ZNF267: variants seen among roughly 807,000 people sequenced by gnomAD.
ZNF267 encodes the protein zinc finger protein 267.
A neutral mutation model predicts 71.6 loss-of-function variants in ZNF267; 61 were observed. The ratio of observed to expected loss-of-function variants is 0.85; its 90% confidence interval spans 0.69 to 1.05. ZNF267 has a LOEUF of 1.05. Among genes scored for constraint, ZNF267 ranks in the 50% least tolerant of loss-of-function variants. ZNF267 has a pLI of 0.00. For synonymous variants in ZNF267, 288 were observed against 293.2 expected, an observed-to-expected ratio of 0.98 and a Z score of 0.18; for missense variants, 852 against 870.0, an observed-to-expected ratio of 0.98 and a Z score of 0.26.
At position 31,916,110 on chromosome 16, in the gene ZNF267, C is replaced by T; in HGVS notation, c.1861C>T (p.Gln621Ter). Residue 621 changes from glutamine to a stop codon, truncating the protein, a stop_gained, in exon 4 of 4, where the codon CAG (glutamine) becomes TAG (stop). Transcript: ENST00000300870. LOFTEE classifies it high-confidence loss of function. ...CTTTAGTTATAGTTCAGATGTTATT[C>T]AGCATCGGAGAATTCATACTGGCCA... Reference protein sequence around the residue: ...KAFSYSSDVIQHRRIHTGQRP... With the variant: ...KAFSYSSDVI 1 of 1,613,872 alleles carries T rather than the reference C, an allele frequency of 6.2e-7. No individual in the cohort carries two copies.
chr16:31,899,992 A>G (rs1215820991), intron 3 of ZNF267, among the ~76,000 whole-genome samples: 1 of 151,642 alleles, frequency 6.6e-6, no homozygotes. Context: ...TCATCCATAT[A>G]TATATACACA....
At chr16:31,893,135 C>T (rs1041165596) in intron 3 of ZNF267, among the ~76,000 whole-genome samples, 7 of 152,232 alleles carry the variant, frequency 4.6e-5, no homozygotes, top group South Asian at 2.1e-4. Flanking sequence ...CCCCAATCCT[C>T]GACTTCTGTA....
chr16:31,896,528 A>G (rs2084000510), intron 3 of ZNF267, among the ~76,000 whole-genome samples: 1 of 152,136 alleles, frequency 6.6e-6, no homozygotes, highest in African/African-American at 2.4e-5. Flanking sequence ...TGCATCATTT[A>G]TTGAGGAAAC....
intron 1 of ZNF267, among the ~76,000 whole-genome samples, chr16:31,878,164 T>G (rs1012763369): frequency 6.6e-5 from 10 of 152,042 alleles, no homozygotes; most frequent in Non-Finnish European, 1.2e-4. Context: ...CTCTACACAT[T>G]TGATGTCAGA....
chr16:31,874,232 C>T (rs903545969), intron 1 of ZNF267: 4 of 447,846 alleles, frequency 8.9e-6, no homozygotes, highest in South Asian at 3.4e-5. Context: ...GGCAGCTCCG[C>T]GTCGCAGCCC....
intron 3 of ZNF267, chr16:31,913,373 C>T (rs991308041): frequency 6.6e-6 from 1 of 152,222 alleles, no homozygotes; most frequent in African/African-American, 2.4e-5. Context: ...TCCCTGTTGC[C>T]CCCACCACTG....
chr16:31,910,139 TG>T (rs2084124966), intron 3 of ZNF267, among the ~76,000 whole-genome samples: 1 of 152,220 alleles, frequency 6.6e-6, no homozygotes, highest in African/African-American at 2.4e-5. Context: ...TCTTTTAATG[TG>T]TTGTTGAATT....
intron 3 of ZNF267, among the ~76,000 whole-genome samples, chr16:31,892,073 C>G (rs576192530): frequency 6.6e-6 from 1 of 152,180 alleles, no homozygotes; most frequent in East Asian, 1.9e-4. Flanking sequence ...AGTCTGTCCT[C>G]ACACTGCTGA....
In ZNF267 at chr16:31,907,497, A is replaced by C. The variant is rs563481718; in HGVS notation, c.227-6979A>C. 2.0e-5 allele frequency among the ~76,000 whole-genome samples: 3 copies of C among 151,832 alleles called. No homozygotes were observed. The East Asian group carries it at 5.8e-4, about 29-fold the overall frequency. On this transcript the variant is annotated intron_variant, in intron 3 of 3. Transcript: ENST00000300870. The stretch of plus-strand genomic sequence containing the variant: ...TAGTGAATCTTTAAATTTAGTTTTT[A>C]TTTTTACCTCCACACTTTGTGTTTT...
rs377521300 is a variant in ZNF267, at chr16:31,915,085, C to T, written c.836C>T (p.Ser279Leu). Residue 279 changes from serine to leucine, a missense_variant, in exon 4 of 4, where the codon TCA becomes TTA. Ser to Leu is a moderately radical substitution (Grantham distance 145). Coordinates refer to ENST00000300870, the MANE Select transcript of ZNF267 (RefSeq NM_003414.6). ...CNKCVEVCTQ[S>L]LKHIQHQTIH... Reference sequence around the variant, plus strand: ...AAATGTGTAGAAGTTTGTACCCAGTCATTAAAACATATTCAACATCAGACC... The same window carrying T: ...AAATGTGTAGAAGTTTGTACCCAGTTATTAAAACATATTCAACATCAGACC... The T allele has an allele frequency of 1.9e-6, 3 of 1,613,522 alleles. No individual in the cohort carries two copies. Among genetic ancestry groups the T allele is most frequent in the African/African-American group, 2.7e-5 (2 of 75,008 alleles).
rs765051869 is a variant in ZNF267, at chr16:31,885,218, G to A, written c.188G>A (p.Trp63Ter). The change falls in exon 3 of 4, where the codon TGG becomes TAG. Residue 63 changes from tryptophan (W) to a stop codon, truncating the protein, a stop_gained. Transcript: ENST00000300870. LOFTEE classifies it high-confidence loss of function. ...ITFLEQRKEP[W>*]NVKSEETVAI... ...TTTTTGGAACAAAGGAAAGAGCCTTGGAATGTGAAGAGTGAGGAGACAGTA... is the reference window on the plus strand; with the variant it reads ...TTTTTGGAACAAAGGAAAGAGCCTTAGAATGTGAAGAGTGAGGAGACAGTA... 1.3e-5 allele frequency: 21 copies of A among 1,609,478 alleles called. No homozygotes were observed. In the East Asian group the frequency reaches 4.7e-4, roughly 36 times the overall value.
intron 1 of ZNF267, chr16:31,874,194 A>C: frequency 2.0e-6 from 1 of 500,576 alleles, no homozygotes; most frequent in Non-Finnish European, 3.6e-6. Flanking sequence ...CCGCAGAGCG[A>C]CCTCGTCCCT....
chr16:31,914,515 A>C lies in ZNF267; in HGVS notation c.266A>C (p.His89Pro), dbSNP rs770783836. Residue 89 changes from histidine to proline, a missense_variant, in exon 4 of 4, where the codon CAC (histidine) becomes CCC (proline). Physicochemically the swap from His to Pro is moderately conservative, Grantham distance 77. Coordinates refer to ENST00000300870, the MANE Select transcript of ZNF267 (RefSeq NM_003414.6). ...SHYNKDLLTE[H>P]CTEASFQKVI... The stretch of plus-strand genomic sequence containing the variant: ...TATAACAAGGACCTGTTGACAGAGC[A>C]CTGCACAGAAGCTTCATTCCAAAAA... 6.2e-7 allele frequency: 1 copy of C among 1,612,968 alleles called. No individual in the cohort carries two copies. The highest frequency in any genetic ancestry group is 8.5e-7 in the Non-Finnish European group (1 of 1,179,650).
chr16:31,893,366 C>T (rs2083974596), intron 3 of ZNF267, among the ~76,000 whole-genome samples: 1 of 152,198 alleles, frequency 6.6e-6, no homozygotes, highest in African/African-American at 2.4e-5. Context: ...GGAGGGGCTG[C>T]CATGAAGACT....
At chr16:31,909,644 C>G (rs2084120756) in intron 3 of ZNF267, among the ~76,000 whole-genome samples, 1 of 152,148 alleles carries the variant, frequency 6.6e-6, no homozygotes, top group Non-Finnish European at 1.5e-5. Flanking sequence ...TTTATCAGTT[C>G]TTACTGTTTT....
intron 1 of ZNF267, among the ~76,000 whole-genome samples, chr16:31,881,891 C>G (rs2083893071): frequency 6.6e-6 from 1 of 152,078 alleles, no homozygotes; most frequent in Admixed American, 6.5e-5. Flanking sequence ...TCTTGAACTC[C>G]TGACCTCAAG....
intron 3 of ZNF267, among the ~76,000 whole-genome samples, chr16:31,886,991 G>C (rs1341602936): frequency 6.6e-6 from 1 of 152,052 alleles, no homozygotes; most frequent in Non-Finnish European, 1.5e-5. Context: ...CAGTGTACAA[G>C]GGTTTTCTTT....
At chr16:31,899,578 C>T (rs891741011) in intron 3 of ZNF267, among the ~76,000 whole-genome samples, 1 of 152,046 alleles carries the variant, frequency 6.6e-6, no homozygotes, top group Non-Finnish European at 1.5e-5. Context: ...CAAGAGAAAG[C>T]AGGAGAGATC....
intron 3 of ZNF267, among the ~76,000 whole-genome samples, chr16:31,886,468 C>T (rs1364058199): frequency 6.6e-6 from 1 of 152,156 alleles, no homozygotes. Flanking sequence ...GTGAACTGTG[C>T]ATGCAAAAGA....
Sources: allele counts gnomAD v4.1 joint callset (sites outside exome capture counted in the v4.1 genomes callset), GRCh38; gene constraint gnomAD v4.1.1; transcripts MANE v1.5; gene names NCBI Gene and HGNC (gene_info 2026-07-23, HGNC 2026-07-21).